The following KIAA0825 variants were observed in gnomAD, a reference collection of about 807,000 sequenced individuals.
KIAA0825 encodes uncharacterized protein KIAA0825.
A neutral mutation model predicts 147.6 loss-of-function variants in KIAA0825; 119 were observed. That is an observed-to-expected ratio of 0.81 (90% CI 0.69 to 0.94). KIAA0825 has a LOEUF of 0.94. Ranked by LOEUF, KIAA0825 falls within the 40% of genes least tolerant of loss-of-function variation. KIAA0825 has a pLI of 0.00. For missense variants in KIAA0825, 1,381 were observed against 1,472.7 expected (o/e 0.94, Z 1.02); for synonymous variants, 470 against 518.1 (o/e 0.91, Z 1.26).
At chr5:94,310,212 T>C (rs1779038339) in intron 20 of KIAA0825, among the ~76,000 whole-genome samples, 2 of 151,800 alleles carry the variant, frequency 1.3e-5, no homozygotes, top group South Asian at 4.2e-4. Context: ...GTTATTCTCA[T>C]TGCCAGTTGG....
At chr5:94,333,384 A>G (rs1211116324) in intron 20 of KIAA0825, among the ~76,000 whole-genome samples, 1 of 152,112 alleles carries the variant, frequency 6.6e-6, no homozygotes, top group Non-Finnish European at 1.5e-5. Context: ...CCTTTAATCC[A>G]TCTTGAGTTA....
At chr5:94,305,283 G>GCAAA (rs1476403846) in intron 20 of KIAA0825, among the ~76,000 whole-genome samples, 1 of 151,814 alleles carries the variant, frequency 6.6e-6, no homozygotes, top group African/African-American at 2.4e-5. Flanking sequence ...AAGTTTACTT[G>GCAAA]CAAACAGAAA....
chr5:94,576,267 T>C (rs1781021068), intron 2 of KIAA0825, among the ~76,000 whole-genome samples: 1 of 152,124 alleles, frequency 6.6e-6, no homozygotes, highest in East Asian at 1.9e-4. Flanking sequence ...CATGTTGCTA[T>C]GGTTTGAATA....
In KIAA0825 at chr5:94,515,552, G is replaced by A. The variant is rs1479585652; in HGVS notation, c.970+4696C>T. On this transcript the variant is annotated intron_variant, in intron 5 of 20. Coordinates refer to ENST00000682413, the MANE Select transcript of KIAA0825 (RefSeq NM_001145678.3). ...CACTCTTGTAATCCCAGCACTTTGG[G>A]AGGCCAAGGCGGGTGGATCACCTGA... Among the ~76,000 whole-genome samples the A allele has an allele frequency of 7.9e-5, 12 of 152,242 alleles. No individual in the cohort carries two copies. The East Asian group carries it at 2.3e-3, about 29-fold the overall frequency.
intron 20 of KIAA0825, among the ~76,000 whole-genome samples, chr5:94,236,123 A>G (rs1775029058): frequency 1.3e-5 from 2 of 152,354 alleles, no homozygotes; most frequent in South Asian, 4.1e-4. Flanking sequence ...TTGTAAGACT[A>G]CAGCTGCCAA....
At chr5:94,551,389 A>G (rs1413958146) in intron 2 of KIAA0825, among the ~76,000 whole-genome samples, 1 of 152,120 alleles carries the variant, frequency 6.6e-6, no homozygotes, top group African/African-American at 2.4e-5. Context: ...GTTTCAGTTC[A>G]AACAGATCCT....
At chr5:94,605,894 T>A (rs1241018818) in intron 1 of KIAA0825, among the ~76,000 whole-genome samples, 1 of 152,148 alleles carries the variant, frequency 6.6e-6, no homozygotes, top group Admixed American at 6.6e-5. Flanking sequence ...TTCAACATAG[T>A]ATCAAAAGTC....
chr5:94,607,737 C>T (rs1387439381), intron 1 of KIAA0825, among the ~76,000 whole-genome samples: 1 of 152,170 alleles, frequency 6.6e-6, no homozygotes, highest in East Asian at 1.9e-4. Context: ...TTGTCTAGGT[C>T]AGAAGTCTGA....
At chr5:94,491,302 T>A (rs1763703999) in intron 5 of KIAA0825, among the ~76,000 whole-genome samples, 1 of 152,128 alleles carries the variant, frequency 6.6e-6, no homozygotes, top group Non-Finnish European at 1.5e-5. Flanking sequence ...AAATGGAAGA[T>A]CTTCGCTCCA....
chr5:94,521,103 T>A (rs1386519921), intron 4 of KIAA0825, among the ~76,000 whole-genome samples, 186 bp from the exon 5 acceptor site: 1 of 151,880 alleles, frequency 6.6e-6, no homozygotes, highest in Non-Finnish European at 1.5e-5. Flanking sequence ...TATGGTCTAC[T>A]AAACTTTGAA....
chr5:94,590,975 C>T (rs73132694), intron 1 of KIAA0825, among the ~76,000 whole-genome samples: 7,512 of 152,190 alleles, frequency 0.049, 634 homozygotes, highest in African/African-American at 0.17. Context: ...AGCAAGTACA[C>T]ATTACGTTAA....
intron 1 of KIAA0825, among the ~76,000 whole-genome samples, chr5:94,605,356 C>A (rs772089360): frequency 6.6e-6 from 1 of 152,098 alleles, no homozygotes; most frequent in Non-Finnish European, 1.5e-5. Context: ...GCTGGTATCA[C>A]TTCTACTAAA....
intron 1 of KIAA0825, chr5:94,593,879 C>A: frequency 2.6e-6 from 1 of 390,444 alleles, no homozygotes; most frequent in South Asian, 2.1e-5. Context: ...TGCTATTTCC[C>A]TGCTCCCTTC....
chr5:94,217,661 G>T (rs1773318917), intron 20 of KIAA0825, among the ~76,000 whole-genome samples: 2 of 152,150 alleles, frequency 1.3e-5, no homozygotes, highest in Non-Finnish European at 2.9e-5. Flanking sequence ...GAAGATAGAA[G>T]TATAGTCCAG....
At chr5:94,216,827 TAGG>T (rs1425003791) in intron 20 of KIAA0825, among the ~76,000 whole-genome samples, 1 of 152,194 alleles carries the variant, frequency 6.6e-6, no homozygotes, top group Non-Finnish European at 1.5e-5. Flanking sequence ...GGTGATAGTT[TAGG>T]AGAACTGAAA....
rs537127079 is a variant in KIAA0825, at chr5:94,598,409, T to A, written c.-152-15826A>T. Among the ~76,000 whole-genome samples, 62 of 152,224 alleles carry A rather than the reference T, an allele frequency of 4.1e-4. 1 individual carries two copies. In the South Asian group the frequency reaches 8.5e-3, roughly 21 times the overall value. On this transcript the variant is annotated intron_variant, in intron 1 of 20. Transcript: ENST00000682413. Reference sequence around the variant, plus strand: ...TGGGCAATAACAAGCATAGGGAGTATAACAATGCCTTTTTCTGAAATATTC... The same window carrying A: ...TGGGCAATAACAAGCATAGGGAGTAAAACAATGCCTTTTTCTGAAATATTC...
intron 20 of KIAA0825, among the ~76,000 whole-genome samples, chr5:94,250,997 T>C (rs1775929071): frequency 6.6e-6 from 1 of 152,136 alleles, no homozygotes; most frequent in South Asian, 2.1e-4. Context: ...GGTTCAGAAG[T>C]GTGCAATGGG....
chr5:94,319,632 A>ATC (rs1779976102), intron 20 of KIAA0825, among the ~76,000 whole-genome samples: 2 of 151,924 alleles, frequency 1.3e-5, no homozygotes, highest in Admixed American at 1.3e-4. Flanking sequence ...CTCACAATCT[A>ATC]TCAGCAATCT....
At chr5:94,384,015 T>C (rs942066202) in intron 20 of KIAA0825, among the ~76,000 whole-genome samples, 11 of 152,152 alleles carry the variant, frequency 7.2e-5, no homozygotes, top group Non-Finnish European at 1.6e-4. Context: ...ATAATAACGT[T>C]CAAGTCAATA....
Sources: gnomAD v4.1 joint callset for allele counts (sites outside exome capture counted in the v4.1 genomes callset) on GRCh38, gnomAD v4.1.1 for gene constraint, MANE v1.5 for transcripts, NCBI Gene and HGNC (gene_info 2026-07-23, HGNC 2026-07-21) for gene names.